Variants in NEK1 observed in about 807,000 individuals in gnomAD.
NEK1 encodes the protein serine/threonine-protein kinase Nek1.
In NEK1, 137 loss-of-function variants were observed where a neutral mutation model predicts 182.1. The observed-to-expected ratio is 0.75, with a 90% CI of 0.65 to 0.87. NEK1 has a LOEUF of 0.87. NEK1 is among the 40% of genes least tolerant of loss of function. The pLI is 0.00. For missense variants in NEK1, 1,391 were observed against 1,494.4 expected (o/e 0.93, Z 1.14); for synonymous variants, 513 against 492.2 (o/e 1.04, Z -0.56).
chr4:169,563,286 A>G (rs542772674), intron 12 of NEK1, among the ~76,000 whole-genome samples: 1 of 152,050 alleles, frequency 6.6e-6, no homozygotes, highest in Admixed American at 6.6e-5. Context: ...TCTTGAGCCC[A>G]GGAGGTAGAG....
chr4:169,543,917 T>C (rs907434140), intron 18 of NEK1, among the ~76,000 whole-genome samples: 3 of 152,236 alleles, frequency 2.0e-5, no homozygotes, highest in Non-Finnish European at 4.4e-5. Context: ...ATACAATCCA[T>C]GTTATCTGCA....
At chr4:169,538,867 T>C (rs1758924190) in intron 18 of NEK1, among the ~76,000 whole-genome samples, 1 of 152,174 alleles carries the variant, frequency 6.6e-6, no homozygotes, top group Non-Finnish European at 1.5e-5. Context: ...GATTTTCATA[T>C]ACCAAATAAC....
intron 27 of NEK1, among the ~76,000 whole-genome samples, chr4:169,460,613 C>G (rs781315583): frequency 6.6e-6 from 1 of 151,734 alleles, no homozygotes; most frequent in Non-Finnish European, 1.5e-5. Context: ...ATGTACTGTA[C>G]TAGAAAAATA....
At chr4:169,580,112 C>T (rs776595783) in intron 11 of NEK1, among the ~76,000 whole-genome samples, 4 of 152,130 alleles carry the variant, frequency 2.6e-5, no homozygotes, top group Non-Finnish European at 5.9e-5. Flanking sequence ...CCACTGGTCA[C>T]ATTGTTTAAA....
chr4:169,585,183 T>G (rs1167461458), intron 10 of NEK1, among the ~76,000 whole-genome samples, 166 bp downstream of exon 10: 1 of 152,074 alleles, frequency 6.6e-6, no homozygotes, highest in Non-Finnish European at 1.5e-5. Context: ...AGCAATACTC[T>G]GTCTGAAGAA....
chr4:169,494,100 C>CTTT (rs58999473), intron 23 of NEK1, among the ~76,000 whole-genome samples: 2 of 142,464 alleles, frequency 1.4e-5, no homozygotes, highest in African/African-American at 5.1e-5. Flanking sequence ...GGATTTCTTT[C>CTTT]TTTTTTTTTT....
intron 27 of NEK1, among the ~76,000 whole-genome samples, chr4:169,454,300 G>C (rs532022552): frequency 1.3e-3 from 192 of 152,094 alleles, no homozygotes; most frequent in Non-Finnish European, 2.2e-3. Context: ...AACACCAAAA[G>C]CAATGGCAAC....
Position 169,394,394 on chromosome 4 carries a change from T to C in NEK1, c.*116A>G. The C allele has an allele frequency of 3.1e-6, 2 of 651,270 alleles. No homozygotes were observed. The highest frequency in any genetic ancestry group is 2.0e-5 in the South Asian group (1 of 49,322). 40.3% of individuals were successfully genotyped at this position (651,270 alleles called of 1,614,324 possible). A position where few individuals can be genotyped will look rare whatever the true frequency, so the allele number is the denominator to read the frequency against. ...CTTTTTCATGCAATAAGAAAGTCCATCTTAAATCTGATTTTTTAAATAAAT... is the reference window on the plus strand; with the variant it reads ...CTTTTTCATGCAATAAGAAAGTCCACCTTAAATCTGATTTTTTAAATAAAT... On this transcript the variant is annotated 3_prime_UTR_variant, in exon 36 of 36. Transcript: ENST00000507142.
intron 23 of NEK1, among the ~76,000 whole-genome samples, chr4:169,498,559 T>C (rs1751807547): frequency 6.6e-6 from 1 of 152,208 alleles, no homozygotes; most frequent in African/African-American, 2.4e-5. Context: ...TTCCTTTCCA[T>C]GTTTAGTGCT....
At position 169,565,798 on chromosome 4, in the gene NEK1, G is replaced by A. The variant is rs887351291; in HGVS notation, c.1021-3602C>T. Among the ~76,000 whole-genome samples, 3 of 151,742 alleles carry A rather than the reference G, an allele frequency of 2.0e-5. No individual in the cohort carries two copies. In the South Asian group the frequency reaches 6.2e-4, roughly 31 times the overall value. On this transcript the variant is annotated intron_variant, in intron 12 of 35. Transcript: ENST00000507142. ...AGATTAGAGGCTGCCTAGGGCTGCG[G>A]GGTTGGGGGAAGAATGGGGAGTGGC...
intron 23 of NEK1, among the ~76,000 whole-genome samples, chr4:169,499,172 C>T (rs1751948544): frequency 6.6e-6 from 1 of 152,046 alleles, no homozygotes; most frequent in Non-Finnish European, 1.5e-5. Flanking sequence ...TCACTGATAC[C>T]CCTTCTTCCA....
intron 24 of NEK1, among the ~76,000 whole-genome samples, chr4:169,478,873 G>T (rs891361916): frequency 6.6e-6 from 1 of 152,070 alleles, no homozygotes; most frequent in Non-Finnish European, 1.5e-5. Flanking sequence ...CTTTTTATTT[G>T]TCTATGTTTC....
At chr4:169,571,068 G>A (rs536814041) in intron 12 of NEK1, among the ~76,000 whole-genome samples, 1 of 151,820 alleles carries the variant, frequency 6.6e-6, no homozygotes, top group East Asian at 1.9e-4. Context: ...CTCTGCCTAG[G>A]AAAACCAGAG....
At chr4:169,403,861 A>G (rs550608911) in intron 32 of NEK1, among the ~76,000 whole-genome samples, 31 of 150,636 alleles carry the variant, frequency 2.1e-4, no homozygotes, top group Non-Finnish European at 3.3e-4. Flanking sequence ...AATCTTGACT[A>G]AAGTTTAGAC....
At chr4:169,473,679 G>A (rs896287474) in intron 26 of NEK1, among the ~76,000 whole-genome samples, 2 of 152,132 alleles carry the variant, frequency 1.3e-5, no homozygotes, top group Non-Finnish European at 2.9e-5. Context: ...GAGGCCAGGA[G>A]TTTGAGACCA....
intron 2 of NEK1, among the ~76,000 whole-genome samples, chr4:169,606,783 A>G (rs1004691016): frequency 8.5e-5 from 13 of 152,264 alleles, no homozygotes; most frequent in African/African-American, 3.1e-4. Context: ...TCTTAGTATC[A>G]GATCACCTCA....
intron 31 of NEK1, among the ~76,000 whole-genome samples, chr4:169,418,080 G>T (rs1734839683): frequency 6.6e-6 from 1 of 152,186 alleles, no homozygotes; most frequent in South Asian, 2.1e-4. Flanking sequence ...GTTGTAAGCT[G>T]AACAATGCTC....
At chr4:169,519,904 G>T (rs1272090038) in intron 19 of NEK1, among the ~76,000 whole-genome samples, 1 of 38,310 alleles carries the variant, frequency 2.6e-5, no homozygotes, top group African/African-American at 9.2e-5. Context: ...TTTCCTTTGA[G>T]GGTAACCCGA....
At chr4:169,587,861 A>G (rs890886660) in intron 8 of NEK1, among the ~76,000 whole-genome samples, 2 of 152,094 alleles carry the variant, frequency 1.3e-5, no homozygotes, top group African/African-American at 4.8e-5. Flanking sequence ...AACAATATCA[A>G]AAAAATTCAC....
Sources: allele counts gnomAD v4.1 joint callset (sites outside exome capture counted in the v4.1 genomes callset), GRCh38; gene constraint gnomAD v4.1.1; transcripts MANE v1.5; gene names NCBI Gene and HGNC (gene_info 2026-07-23, HGNC 2026-07-21).